The following ARRDC3 variants were observed in gnomAD, a reference collection of about 807,000 sequenced individuals.
The protein encoded by ARRDC3 is arrestin domain-containing protein 3.
A neutral mutation model predicts 47.2 loss-of-function variants in ARRDC3; 10 were observed. The ratio of observed to expected loss-of-function variants is 0.21; its 90% CI spans 0.13 to 0.36. The LOEUF (loss-of-function observed/expected upper bound fraction) is 0.36, where lower values mean the gene tolerates loss of function less well. ARRDC3 is among the 10% of genes least tolerant of loss of function. The pLI, the probability that ARRDC3 is intolerant of heterozygous loss-of-function variation, is 1.00. For synonymous variants in ARRDC3, 156 were observed against 178.3 expected, an observed-to-expected ratio of 0.87 and a Z score of 1.00; for missense variants, 381 against 503.6, an observed-to-expected ratio of 0.76 and a Z score of 2.33.
At chr5:91,375,476 GA>G in intron 4 of ARRDC3, 34 bp downstream of exon 4, 1 of 1,464,744 alleles carries the variant, frequency 6.8e-7, no homozygotes. Flanking sequence ...GCTAAGTGAA[GA>G]AAAGTTTTTT....
chr5:91,377,511 G>A (rs2127072439), intron 2 of ARRDC3, among the ~76,000 whole-genome samples: 1 of 150,948 alleles, frequency 6.6e-6, no homozygotes, highest in Admixed American at 6.6e-5. Context: ...AATACTCAAT[G>A]TTCAGTTATT....
At chr5:91,380,962 C>T (rs1411678748) in intron 1 of ARRDC3, 1 of 152,264 alleles carries the variant, frequency 6.6e-6, no homozygotes, top group African/African-American at 2.4e-5. Flanking sequence ...CTGGAGGAAC[C>T]TTTACCGGCG....
In ARRDC3 at chr5:91,380,938, G is replaced by A. The variant is rs2127077566; in HGVS notation, c.280+1875C>T. On this transcript the variant is annotated intron_variant, in intron 1 of 7. Coordinates refer to ENST00000265138, the MANE Select transcript of ARRDC3 (RefSeq NM_020801.4). The stretch of plus-strand genomic sequence containing the variant: ...CCGGGAACAAACGTGAGTACGGGCT[G>A]GGTGGGGGTCGCTCTGGAGGAACCT... The A allele has an allele frequency of 6.6e-6, 1 of 152,402 alleles. No homozygotes were observed. Among genetic ancestry groups the A allele is most frequent in the Non-Finnish European group, 1.5e-5 (1 of 68,066 alleles). 9.4% of individuals were successfully genotyped at this position (152,402 alleles called of 1,614,324 possible).
In ARRDC3 at chr5:91,383,107, C is replaced by G. The variant is rs202211861; in HGVS notation, c.-15G>C. 10 of 1,570,904 alleles carry G rather than the reference C, an allele frequency of 6.4e-6. No individual in the cohort carries two copies. In the East Asian group the frequency reaches 1.6e-4, roughly 25 times the overall value. ...CCCAGCACCATGTTTATAACAAAAT[C>G]TATAAAAATATAATGTAAGACAAAA... On this transcript the variant is annotated 5_prime_UTR_variant, in exon 1 of 8. Coordinates refer to ENST00000265138, the MANE Select transcript of ARRDC3 (RefSeq NM_020801.4).
At chr5:91,375,651 G>T in intron 3 of ARRDC3, 38 bp from the exon 4 acceptor site, 28 of 1,356,818 alleles carry the variant, frequency 2.1e-5, no homozygotes, top group Non-Finnish European at 2.8e-5. Context: ...GTCAGTGTAT[G>T]GATTGGTACA....
At position 91,371,253 on chromosome 5, in the gene ARRDC3, A is replaced by C; in HGVS notation, c.*147T>G. 1.6e-6 allele frequency: 1 copy of C among 642,190 alleles called. No individual in the cohort carries two copies. The highest frequency in any genetic ancestry group is 2.0e-5 in the South Asian group (1 of 50,882). The allele number at this position is 642,190 out of a possible 1,614,324, so 39.8% of individuals were successfully genotyped here. On this transcript the variant is annotated 3_prime_UTR_variant, in exon 8 of 8. Transcript: ENST00000265138. Reference sequence around the variant, plus strand: ...TGTTGCTGTAGGCTTCTAAAGCATGATCACTGGTTGTTTCATGTATTCGCC... The same window carrying C: ...TGTTGCTGTAGGCTTCTAAAGCATGCTCACTGGTTGTTTCATGTATTCGCC...
rs749155175 is a variant in ARRDC3, at chr5:91,376,788, C to T, written c.363-20G>A. 12 of 1,588,614 alleles carry T rather than the reference C, an allele frequency of 7.6e-6. No homozygotes were observed. The African/African-American group carries it at 1.6e-4, about 22-fold the overall frequency. On this transcript the variant is annotated intron_variant, in intron 2 of 7. Coordinates refer to ENST00000265138, the MANE Select transcript of ARRDC3 (RefSeq NM_020801.4). ...AGTGGTCTGTGCAGAATATAAAGGT[C>T]AATATATTAATTTTATACCTCTTTC...
chr5:91,379,292 T>TAAAA (rs377674022), intron 1 of ARRDC3, among the ~76,000 whole-genome samples: 14 of 107,770 alleles, frequency 1.3e-4, no homozygotes, highest in African/African-American at 3.8e-4. Flanking sequence ...ATAGACGGAG[T>TAAAA]AAAAAAAAAA....
chr5:91,378,161 CTT>C (rs1799349664), intron 2 of ARRDC3, among the ~76,000 whole-genome samples: 2 of 151,976 alleles, frequency 1.3e-5, no homozygotes, highest in South Asian at 4.1e-4. Flanking sequence ...GGTCATATCT[CTT>C]GTGTGACCTT....
At chr5:91,379,174 A>G (rs1799377661) in intron 1 of ARRDC3, among the ~76,000 whole-genome samples, 1 of 152,078 alleles carries the variant, frequency 6.6e-6, no homozygotes, top group Non-Finnish European at 1.5e-5. Context: ...TAATGTATCA[A>G]AGAAAAACTG....
chr5:91,376,658 A>G lies in ARRDC3; in HGVS notation c.473T>C (p.Val158Ala). Reference protein sequence around the residue: ...LPVKLKKEFTVFEHIDINTPS... With the variant: ...LPVKLKKEFTAFEHIDINTPS... ...AGTGTTGATATCTATATGCTCAAAG[A>G]CTGTAAATTCCTTCTTTAATTTTAC... The change falls in exon 3 of 8, where the codon GTC (valine) becomes GCC (alanine). Residue 158 changes from valine to alanine, a missense_variant. Physicochemically the swap from Val to Ala is moderately conservative, Grantham distance 64 (BLOSUM62 0). Transcript: ENST00000265138. 6.2e-7 allele frequency: 1 copy of G among 1,612,872 alleles called. No individual in the cohort carries two copies. The highest frequency in any genetic ancestry group is 2.2e-5 in the East Asian group (1 of 44,810).
intron 7 of ARRDC3, among the ~76,000 whole-genome samples, chr5:91,373,275 T>C (rs1264115859): frequency 6.6e-6 from 1 of 152,194 alleles, no homozygotes; most frequent in Non-Finnish European, 1.5e-5. Flanking sequence ...CATTATTTCT[T>C]ATGACTGAGA....
rs1799305119 is a variant in ARRDC3 at position 91,376,431 on chromosome 5, T to C, written c.510+190A>G. The stretch of plus-strand genomic sequence containing the variant: ...ATATTTACTTAAAGGTATACTACAA[T>C]GTCAAAAATATGAGCATATTTTTCA... On this transcript the variant is annotated intron_variant, in intron 3 of 7. Transcript: ENST00000265138. The C allele has an allele frequency of 9.2e-6, 5 of 544,870 alleles. No individual in the cohort carries two copies. The South Asian group carries it at 9.8e-5, about 11-fold the overall frequency. 33.8% of individuals were successfully genotyped at this position (544,870 alleles called of 1,614,324 possible).
At position 91,382,802 on chromosome 5, in the gene ARRDC3, C is replaced by T; in HGVS notation, c.280+11G>A. On this transcript the variant is annotated intron_variant, in intron 1 of 7. Coordinates refer to ENST00000265138, the MANE Select transcript of ARRDC3 (RefSeq NM_020801.4). ...AATGAGTCCAATGACTTATGAATAA[C>T]AAAAACTTACCTCTTTCGTGCCCAA... The T allele has an allele frequency of 6.2e-7, 1 of 1,605,430 alleles. No individual in the cohort carries two copies. The highest frequency in any genetic ancestry group is 8.5e-7 in the Non-Finnish European group (1 of 1,176,140).
Position 91,370,746 on chromosome 5 carries a change from A to G in ARRDC3, c.*654T>C, listed in dbSNP as rs1183586998. ...CGTATCTACTACAGTAGGCTGCAAA[A>G]CATACAGCAAAAAGGATTGGCTTGA... On this transcript the variant is annotated 3_prime_UTR_variant, in exon 8 of 8. Coordinates refer to ENST00000265138, the MANE Select transcript of ARRDC3 (RefSeq NM_020801.4). 6.6e-6 allele frequency: 1 copy of G among 152,520 alleles called. No individual in the cohort carries two copies. Among genetic ancestry groups the G allele is most frequent in the African/African-American group, 2.4e-5 (1 of 41,408 alleles). The allele number at this position is 152,520 out of a possible 1,614,324, so 9.4% of individuals were successfully genotyped here.
intron 3 of ARRDC3, 146 bp from the exon 4 acceptor site, chr5:91,375,759 A>G: frequency 2.2e-6 from 1 of 463,118 alleles, no homozygotes; most frequent in Non-Finnish European, 3.8e-6. Context: ...CATACTTCTT[A>G]TTTTTTAACT....
intron 4 of ARRDC3, 148 bp from the exon 5 acceptor site, chr5:91,375,326 C>A: frequency 1.0e-6 from 1 of 966,964 alleles, no homozygotes; most frequent in Non-Finnish European, 1.5e-6. Context: ...TAGAAATGAA[C>A]TAATCAGTAG....
At chr5:91,376,923 G>C (rs1799317744) in intron 2 of ARRDC3, among the ~76,000 whole-genome samples, 155 bp from the exon 3 acceptor site, 1 of 152,076 alleles carries the variant, frequency 6.6e-6, no homozygotes, top group Non-Finnish European at 1.5e-5. Flanking sequence ...ATAAGTCACT[G>C]GGGAAAAAAC....
chr5:91,378,276 A>G (rs577596160), intron 2 of ARRDC3, among the ~76,000 whole-genome samples: 21 of 152,172 alleles, frequency 1.4e-4, no homozygotes, highest in Admixed American at 4.6e-4. Flanking sequence ...ACTTACTGCT[A>G]TTGGTTAGTA....
Sources: allele counts gnomAD v4.1 joint callset (sites outside exome capture counted in the v4.1 genomes callset), GRCh38; gene constraint gnomAD v4.1.1; transcripts MANE v1.5; gene names NCBI Gene and HGNC (gene_info 2026-07-23, HGNC 2026-07-21).